Variants in BIVM observed in about 807,000 individuals in gnomAD.
The protein encoded by BIVM is basic, immunoglobulin-like variable motif containing, also known as basic immunoglobulin-like variable motif-containing protein.
BIVM carries 31 observed loss-of-function variants against 61.4 expected under a neutral mutation model. That is an observed-to-expected ratio of 0.51 (90% CI 0.38 to 0.68). The LOEUF (loss-of-function observed/expected upper bound fraction) is 0.68, where lower values mean the gene tolerates loss of function less well. Ranked by LOEUF, BIVM falls within the 30% of genes least tolerant of loss-of-function variation. BIVM has a pLI of 0.00. For synonymous variants in BIVM, 189 were observed against 210.7 expected, an observed-to-expected ratio of 0.90 and a Z score of 0.89; for missense variants, 526 against 596.0, an observed-to-expected ratio of 0.88 and a Z score of 1.22.
At position 102,839,686 on chromosome 13, in the gene BIVM, G is replaced by A. The variant is rs202084955; in HGVS notation, c.1333G>A (p.Ala445Thr). The A allele has an allele frequency of 6.2e-7, 1 of 1,614,138 alleles. No homozygotes were observed. The highest frequency in any genetic ancestry group is 8.5e-7 in the Non-Finnish European group (1 of 1,180,016). The change falls in exon 11 of 11, where the codon GCC becomes ACC. Residue 445 changes from alanine to threonine, a missense_variant. Transcript: ENST00000257336. Reference sequence around the variant, plus strand: ...ACAAGAATCACAACCTCCAACACATGCCCAGGGAATTGCCAAATCTGAGAG... The same window carrying A: ...ACAAGAATCACAACCTCCAACACATACCCAGGGAATTGCCAAATCTGAGAG... ...IRQESQPPTH[A>T]QGIAKSESED...
rs1314370949 is a variant in BIVM, at chr13:102,840,909, A to G, written c.*1044A>G. ...GTTTCTATACCCAAGGTTATCTGTGAAATGAGATCTCCTGATATTTGATTG... is the reference window on the plus strand; with the variant it reads ...GTTTCTATACCCAAGGTTATCTGTGGAATGAGATCTCCTGATATTTGATTG... On this transcript the variant is annotated 3_prime_UTR_variant, in exon 11 of 11. Transcript: ENST00000257336. 2 of 152,264 alleles carry G rather than the reference A, an allele frequency of 1.3e-5. No individual in the cohort carries two copies. Among genetic ancestry groups the G allele is most frequent in the Non-Finnish European group, 2.9e-5 (2 of 68,030 alleles). The allele number at this position is 152,264 out of a possible 1,614,324, so 9.4% of individuals were successfully genotyped here.
chr13:102,833,327 G>GTTTTTTTTTTTGTT (rs1881234674), intron 8 of BIVM, among the ~76,000 whole-genome samples: 1 of 79,606 alleles, frequency 1.3e-5, no homozygotes, highest in East Asian at 3.5e-4. Context: ...GATAGGATGG[G>GTTTTTTTTTTTGTT]TTTTTTTTTT....
chr13:102,825,805 T>A (rs1400979322), intron 7 of BIVM, among the ~76,000 whole-genome samples: 1 of 152,160 alleles, frequency 6.6e-6, no homozygotes, highest in East Asian at 1.9e-4. Flanking sequence ...CGTGAAAACC[T>A]GGGGGGATGG....
At chr13:102,809,825 G>A (rs1442766486) in intron 3 of BIVM, among the ~76,000 whole-genome samples, 49 of 140,446 alleles carry the variant, frequency 3.5e-4, no homozygotes, top group African/African-American at 7.1e-4. Flanking sequence ...TCGCTCTGTC[G>A]CCCAGGCTGG....
Position 102,816,415 on chromosome 13 carries a change from T to G in BIVM, c.479-13T>G, listed in dbSNP as rs753241089. 1 of 1,548,766 alleles carries G rather than the reference T, an allele frequency of 6.5e-7. No individual in the cohort carries two copies. Among genetic ancestry groups the G allele is most frequent in the Non-Finnish European group, 8.6e-7 (1 of 1,157,136 alleles). On this transcript the variant is annotated splice_polypyrimidine_tract_variant and intron_variant, in intron 3 of 10. Transcript: ENST00000257336. ...CTTAAGCATTTTGCTTATTTTATAC[T>G]CTTGTATTCTAGGCAATGCAAAGAA...
At chr13:102,815,651 A>T (rs534356760) in intron 3 of BIVM, among the ~76,000 whole-genome samples, 1 of 152,318 alleles carries the variant, frequency 6.6e-6, no homozygotes, top group Non-Finnish European at 1.5e-5. Flanking sequence ...ATTAAAAAGT[A>T]CAAATTCTCA....
chr13:102,802,900 T>G (rs1230916457), intron 1 of BIVM, among the ~76,000 whole-genome samples: 1 of 152,080 alleles, frequency 6.6e-6, no homozygotes, highest in Admixed American at 6.6e-5. Context: ...TATGAGCCAC[T>G]GTGCCTGGCT....
chr13:102,821,564 T>TG (rs1184761556), intron 5 of BIVM, among the ~76,000 whole-genome samples, 179 bp from the exon 6 acceptor site: 1 of 152,128 alleles, frequency 6.6e-6, no homozygotes, highest in East Asian at 1.9e-4. Flanking sequence ...ATCACGCCAC[T>TG]GCACTCCAGC....
chr13:102,805,133 G>T (rs1259327629), intron 1 of BIVM, among the ~76,000 whole-genome samples, 174 bp from the exon 2 acceptor site: 1 of 152,204 alleles, frequency 6.6e-6, no homozygotes, highest in Non-Finnish European at 1.5e-5. Context: ...CTCAACTGAT[G>T]CTCTGTTGCT....
intron 1 of BIVM, among the ~76,000 whole-genome samples, chr13:102,802,841 C>T (rs185658747): frequency 1.5e-3 from 228 of 150,528 alleles, no homozygotes; most frequent in African/African-American, 5.3e-3. Context: ...AAACTCCTGG[C>T]CTCAAGTGAT....
intron 9 of BIVM, among the ~76,000 whole-genome samples, 172 bp downstream of exon 9, chr13:102,834,724 TC>T (rs1595364714): frequency 6.6e-6 from 1 of 152,216 alleles, no homozygotes; most frequent in Admixed American, 6.5e-5. Context: ...CACTCTCTAC[TC>T]CTATCAATCT....
chr13:102,804,477 A>AT (rs112704418), intron 1 of BIVM, among the ~76,000 whole-genome samples: 7,935 of 151,984 alleles, frequency 0.052, 227 homozygotes, highest in East Asian at 0.099. Flanking sequence ...TGCCCAGCTA[A>AT]TTTTTTTGTG....
At chr13:102,829,656 T>C (rs1159398025) in intron 7 of BIVM, among the ~76,000 whole-genome samples, 7 of 151,800 alleles carry the variant, frequency 4.6e-5, no homozygotes, top group Admixed American at 6.6e-5. Context: ...CTGGCCAACA[T>C]AGTGAAACCC....
intron 3 of BIVM, among the ~76,000 whole-genome samples, chr13:102,808,054 A>G (rs1320289305): frequency 1.3e-5 from 2 of 152,250 alleles, no homozygotes; most frequent in Non-Finnish European, 2.9e-5. Flanking sequence ...TAACATGGCT[A>G]GAATAACTTA....
chr13:102,834,544 C>G lies in BIVM; in HGVS notation c.1113C>G (p.His371Gln). Residue 371 changes from histidine to glutamine, a missense_variant, in exon 9 of 11, where the codon CAC becomes CAG. By Grantham distance (24) the His-to-Gln change is conservative (BLOSUM62 0). Coordinates refer to ENST00000257336, the MANE Select transcript of BIVM (RefSeq NM_017693.4). ...CAAGTAGAAAACATCCTGCCATTCA[C>G]TGTAAAAAGTATGTTAACTTCCCTT... is the stretch of plus-strand genomic sequence containing the variant. ...GESSRKHPAI[H>Q]CKKWADIVTD... 1 of 1,584,584 alleles carries G rather than the reference C, an allele frequency of 6.3e-7. No homozygotes were observed. The highest frequency in any genetic ancestry group is 8.5e-7 in the Non-Finnish European group (1 of 1,171,110).
intron 1 of BIVM, chr13:102,801,435 GT>G (rs2139127571): frequency 6.6e-6 from 1 of 151,524 alleles, no homozygotes; most frequent in South Asian, 2.1e-4. Flanking sequence ...TTTTTTTTTA[GT>G]AGAAACGGGT....
At chr13:102,839,304 A>T (rs1881684084) in intron 10 of BIVM, among the ~76,000 whole-genome samples, 1 of 152,204 alleles carries the variant, frequency 6.6e-6, no homozygotes, top group Non-Finnish European at 1.5e-5. Context: ...TGAATTAGGC[A>T]GATGGGGAAG....
chr13:102,828,919 A>G (rs1355352540), intron 7 of BIVM, among the ~76,000 whole-genome samples: 1 of 151,862 alleles, frequency 6.6e-6, no homozygotes, highest in Non-Finnish European at 1.5e-5. Context: ...AATCCCAGCT[A>G]CTTGGGAGGC....
chr13:102,816,489 G>A lies in BIVM; in HGVS notation c.540G>A (p.Lys180=), dbSNP rs1210781436. Reference sequence around the variant, plus strand: ...CAGATAAAAAGGGAAGATATCAGAAGGAATGTCCTCAGCATTCTCCTCTTG... The same window carrying A: ...CAGATAAAAAGGGAAGATATCAGAAAGAATGTCCTCAGCATTCTCCTCTTG... ...KTSDKKGRYQ[K]ECPQHSPLED... is the part of the protein sequence containing the mutation. The change falls in exon 4 of 11, where the codon AAG becomes AAA. Residue 180 remains lysine (K), a synonymous_variant. Coordinates refer to ENST00000257336, the MANE Select transcript of BIVM (RefSeq NM_017693.4). The A allele has an allele frequency of 1.9e-6, 3 of 1,594,102 alleles. No homozygotes were observed. The highest frequency in any genetic ancestry group is 1.7e-4 in the Middle Eastern group (1 of 6,022).
Sources: gnomAD v4.1 joint callset for allele counts (sites outside exome capture counted in the v4.1 genomes callset) on GRCh38, gnomAD v4.1.1 for gene constraint, MANE v1.5 for transcripts, NCBI Gene and HGNC (gene_info 2026-07-23, HGNC 2026-07-21) for gene names.